CDC42: variants seen among roughly 807,000 people sequenced by gnomAD.
CDC42 encodes cell division control protein 42 homolog.
A neutral mutation model predicts 20.8 loss-of-function variants in CDC42; 1 was observed. The ratio of observed to expected loss-of-function variants is 0.05; its 90% CI spans 0.02 to 0.23. The LOEUF (loss-of-function observed/expected upper bound fraction) is 0.23. Ranked by LOEUF, CDC42 falls within the 10% of genes least tolerant of loss-of-function variation. The pLI is 1.00. For missense variants in CDC42, 49 were observed against 227.9 expected, an observed-to-expected ratio of 0.21 and a Z score of 5.05; for synonymous variants, 72 against 84.8, an observed-to-expected ratio of 0.85 and a Z score of 0.83.
chr1:22,079,131 CT>C (rs1344669302), intron 2 of CDC42, among the ~76,000 whole-genome samples: 2 of 100,958 alleles, frequency 2.0e-5, no homozygotes, highest in South Asian at 3.6e-4. Flanking sequence ...CTGTTCTTTT[CT>C]TTTTTTCTTT....
chr1:22,089,990 G>A (rs1249762361), intron 5 of CDC42: 1 of 1,613,902 alleles, frequency 6.2e-7, no homozygotes, highest in Non-Finnish European at 8.5e-7. Flanking sequence ...CTGCCCTCGA[G>A]CCTCCGGAAA....
Position 22,061,528 on chromosome 1 carries a change from C to CTTTT in CDC42, c.-51+8789_-51+8790insTTTT, listed in dbSNP as rs1404317396. ...GGTCAATCAGTTTAACTTCATGTTT[C>CTTTT]TTTCTTTTTTTTTTTTTTTTTTTTT... On this transcript the variant is annotated intron_variant, in intron 1 of 5. Transcript: ENST00000656825. Among the ~76,000 whole-genome samples, 3 of 86,302 alleles carry CTTTT rather than the reference C, an allele frequency of 3.5e-5. 1 individual carries two copies. The highest frequency in any genetic ancestry group is 4.5e-5 in the African/African-American group (1 of 22,404). 56.6% of individuals were successfully genotyped at this position (86,302 alleles called of 152,430 possible).
chr1:22,097,648 C>T lies in CDC42; in HGVS notation c.*6131C>T, dbSNP rs1469286055. Among the ~76,000 whole-genome samples, 2 of 152,236 alleles carry T rather than the reference C, an allele frequency of 1.3e-5. No homozygotes were observed. Among genetic ancestry groups the T allele is most frequent in the African/African-American group, 4.8e-5 (2 of 41,460 alleles). The stretch of plus-strand genomic sequence containing the variant: ...CCTGCACTTCTTGTTTTGCTGCCAT[C>T]AGGTAATTTGTGCATTAGAACTAGC... On this transcript the variant is annotated 3_prime_UTR_variant, in exon 6 of 6. Transcript: ENST00000656825.
intron 5 of CDC42, chr1:22,090,191 C>T (rs987799824): frequency 2.3e-6 from 3 of 1,306,690 alleles, no homozygotes; most frequent in African/African-American, 3.0e-5. Context: ...ATCAAGAATG[C>T]AATATCATAT....
At chr1:22,067,785 CCTT>C (rs1259396350) in intron 1 of CDC42, among the ~76,000 whole-genome samples, 1 of 152,166 alleles carries the variant, frequency 6.6e-6, no homozygotes, top group Non-Finnish European at 1.5e-5. Flanking sequence ...AGCAGTCTCA[CCTT>C]CTAACAACGT....
At chr1:22,084,936 AATTATTTGAGCT>A (rs1645646284) in intron 3 of CDC42, among the ~76,000 whole-genome samples, 1 of 152,056 alleles carries the variant, frequency 6.6e-6, no homozygotes, top group South Asian at 2.1e-4. Context: ...CCTTATCAAA[AATTATTTGAGCT>A]AGGCTAGGCA....
At chr1:22,085,488 G>C (rs1645653092) in intron 3 of CDC42, among the ~76,000 whole-genome samples, 1 of 152,100 alleles carries the variant, frequency 6.6e-6, no homozygotes, top group Non-Finnish European at 1.5e-5. Flanking sequence ...ATTGCATTGA[G>C]TCTGTAGGTT....
At chr1:22,085,581 C>A (rs1327450694) in intron 3 of CDC42, among the ~76,000 whole-genome samples, 1 of 152,132 alleles carries the variant, frequency 6.6e-6, no homozygotes, top group Non-Finnish European at 1.5e-5. Flanking sequence ...TTTATGTCTT[C>A]TTTAATTTCT....
chr1:22,054,891 G>GTGTATATATA (rs1351864605), intron 1 of CDC42, among the ~76,000 whole-genome samples: 10 of 71,890 alleles, frequency 1.4e-4, no homozygotes, highest in African/African-American at 5.1e-4. Context: ...TTGAATTTAT[G>GTGTATATATA]TATATATATA....
chr1:22,055,875 T>TTTG (rs977539237), intron 1 of CDC42, among the ~76,000 whole-genome samples: 26 of 150,692 alleles, frequency 1.7e-4, no homozygotes, highest in African/African-American at 6.3e-4. Context: ...GAGTTTTTTT[T>TTTG]TTTTTTTTTT....
intron 1 of CDC42, chr1:22,053,481 G>C (rs1398574888): frequency 6.6e-5 from 10 of 152,246 alleles, no homozygotes; most frequent in Admixed American, 4.6e-4. Flanking sequence ...GCTCCCTGCC[G>C]GTTTAGCTGA....
In CDC42 at chr1:22,094,294, A is replaced by ATTTTTTTTTTCTTTTT. The variant is rs1645741285; in HGVS notation, c.*2787_*2788insCTTTTTTTTTTTTTTT. Among the ~76,000 whole-genome samples the ATTTTTTTTTTCTTTTT allele has an allele frequency of 2.6e-5, 1 of 38,292 alleles. No individual in the cohort carries two copies. Among genetic ancestry groups the ATTTTTTTTTTCTTTTT allele is most frequent in the Non-Finnish European group, 4.2e-5 (1 of 23,610 alleles). The allele number at this position is 38,292 out of a possible 152,430, so 25.1% of individuals were successfully genotyped here. A position where few individuals can be genotyped will look rare whatever the true frequency, so the allele number is the denominator to read the frequency against. On this transcript the variant is annotated 3_prime_UTR_variant, in exon 6 of 6. Transcript: ENST00000656825. ...GTTTTACTGAACATCCTAGAAATAG[A>ATTTTTTTTTTCTTTTT]TTTTTTTTTTTTTTTTTTTTTGAGA...
In CDC42 at chr1:22,096,361, A is replaced by G. The variant is rs182099866; in HGVS notation, c.*4844A>G. ...CAGAGAGTAAAATAGATGTCTCCTG[A>G]CTTCTACTTGGAATTTTCTTTCCCT... On this transcript the variant is annotated 3_prime_UTR_variant, in exon 6 of 6. Coordinates refer to ENST00000656825, the MANE Select transcript of CDC42 (RefSeq NM_001791.4). Among the ~76,000 whole-genome samples the G allele has an allele frequency of 3.9e-4, 60 of 152,276 alleles. No homozygotes were observed. The highest frequency in any genetic ancestry group is 1.9e-3 in the Admixed American group (29 of 15,302).
Position 22,094,590 on chromosome 1 carries a change from C to T in CDC42, c.*3073C>T, listed in dbSNP as rs1338271360. 6.7e-6 allele frequency among the ~76,000 whole-genome samples: 1 copy of T among 148,742 alleles called. No individual in the cohort carries two copies. The highest frequency in any genetic ancestry group is 1.5e-5 in the Non-Finnish European group (1 of 67,990). On this transcript the variant is annotated 3_prime_UTR_variant, in exon 6 of 6. Coordinates refer to ENST00000656825, the MANE Select transcript of CDC42 (RefSeq NM_001791.4). ...GGGATTACAGGCGTGAGCCACCGCGCCCGGCCAGAAATAGATTTTATAGTT... is the reference window on the plus strand; with the variant it reads ...GGGATTACAGGCGTGAGCCACCGCGTCCGGCCAGAAATAGATTTTATAGTT...
In CDC42 at chr1:22,093,850, A is replaced by G. The variant is rs1274251396; in HGVS notation, c.*2333A>G. On this transcript the variant is annotated 3_prime_UTR_variant, in exon 6 of 6. Coordinates refer to ENST00000656825, the MANE Select transcript of CDC42 (RefSeq NM_001791.4). ...ATTGCTATATCTTTGTCCTAAAGCA[A>G]TGCTTGACATGATATGGCTCTAGAA... Among the ~76,000 whole-genome samples the G allele has an allele frequency of 6.6e-6, 1 of 152,186 alleles. No homozygotes were observed. The highest frequency in any genetic ancestry group is 2.4e-5 in the African/African-American group (1 of 41,432).
At chr1:22,082,875 A>AAT (rs1645622379) in intron 3 of CDC42, among the ~76,000 whole-genome samples, 1 of 140,212 alleles carries the variant, frequency 7.1e-6, no homozygotes, top group Non-Finnish European at 1.5e-5. Flanking sequence ...CACAGAGAAA[A>AAT]TTTTTATTTT....
In CDC42 at chr1:22,091,767, C is replaced by CAA. The variant is rs139035560; in HGVS notation, c.*259_*260dup. The CAA allele has an allele frequency of 0.19, 17,897 of 93,148 alleles. 1,947 individuals are homozygous for CAA. The highest frequency in any genetic ancestry group is 0.53 in the East Asian group (1,926 of 3,636). 5.8% of individuals were successfully genotyped at this position (93,148 alleles called of 1,614,324 possible). ...TTAGTACTATTTTTTTTTGTTGTTT[C>CAA]AAAAAAAAAATTTTTGTGTGTGTGT... On this transcript the variant is annotated 3_prime_UTR_variant, in exon 6 of 6. Transcript: ENST00000656825.
At chr1:22,080,588 C>A (rs1283204579) in intron 2 of CDC42, among the ~76,000 whole-genome samples, 1 of 148,928 alleles carries the variant, frequency 6.7e-6, no homozygotes, top group African/African-American at 2.4e-5. Context: ...TTATAGATAT[C>A]ATTTAATTTT....
intron 1 of CDC42, among the ~76,000 whole-genome samples, chr1:22,076,878 T>A (rs188432637): frequency 1.3e-5 from 2 of 152,038 alleles, no homozygotes; most frequent in East Asian, 3.9e-4. Flanking sequence ...CGGTGGCTCA[T>A]GCATGTAATC....
Sources: gnomAD v4.1 joint callset for allele counts (sites outside exome capture counted in the v4.1 genomes callset) on GRCh38, gnomAD v4.1.1 for gene constraint, MANE v1.5 for transcripts, NCBI Gene and HGNC (gene_info 2026-07-23, HGNC 2026-07-21) for gene names.